CCDC57: variants seen among roughly 807,000 people sequenced by gnomAD.
CCDC57 encodes coiled-coil domain containing 57.
CCDC57 carries 118 observed loss-of-function variants against 118.9 expected under a neutral mutation model. That is an observed-to-expected ratio of 0.99 (90% CI 0.86 to 1.16). The LOEUF (loss-of-function observed/expected upper bound fraction) is 1.16. Ranked by LOEUF, CCDC57 falls within the 50% of genes most tolerant of loss-of-function variation. The pLI is 0.00. For missense variants in CCDC57, 1,300 were observed against 1,320.7 expected, an observed-to-expected ratio of 0.98 and a Z score of 0.24; for synonymous variants, 527 against 532.9, an observed-to-expected ratio of 0.99 and a Z score of 0.15.
intron 11 of CCDC57, among the ~76,000 whole-genome samples, chr17:82,173,360 GAAGAA>G (rs2146289127): frequency 6.6e-6 from 1 of 152,284 alleles, no homozygotes; most frequent in African/African-American, 2.4e-5. Context: ...AGAGCGCGCA[GAAGAA>G]AAGGCAGTGA....
At chr17:82,185,431 C>T (rs1248373222) in intron 8 of CCDC57, among the ~76,000 whole-genome samples, 1 of 151,022 alleles carries the variant, frequency 6.6e-6, no homozygotes, top group Non-Finnish European at 1.5e-5. Flanking sequence ...CCAGCCTGGG[C>T]AACATGACTA....
intron 2 of CCDC57, among the ~76,000 whole-genome samples, chr17:82,205,608 C>T (rs952978615): frequency 7.9e-5 from 12 of 152,162 alleles, no homozygotes; most frequent in African/African-American, 2.2e-4. Context: ...GGGTGAGGTT[C>T]CTTCCCACCA....
chr17:82,204,345 C>T (rs1029268419), intron 2 of CCDC57, among the ~76,000 whole-genome samples: 2 of 152,196 alleles, frequency 1.3e-5, no homozygotes, highest in East Asian at 3.9e-4. Context: ...CCCCACCGTC[C>T]ACCCCGTGTA....
At chr17:82,185,352 T>C (rs1267876387) in intron 8 of CCDC57, among the ~76,000 whole-genome samples, 2 of 152,174 alleles carry the variant, frequency 1.3e-5, no homozygotes, top group Admixed American at 1.3e-4. Context: ...GCATGGTGGC[T>C]CATGCCTGTA....
intron 16 of CCDC57, among the ~76,000 whole-genome samples, chr17:82,137,649 A>G (rs1019762727): frequency 1.3e-5 from 2 of 152,018 alleles, no homozygotes; most frequent in Non-Finnish European, 2.9e-5. Context: ...TCTAAATGTC[A>G]AATAAAATAA....
intron 5 of CCDC57, 87 bp downstream of exon 4, chr17:82,195,176 A>T: frequency 1.0e-6 from 1 of 985,138 alleles, no homozygotes; most frequent in Non-Finnish European, 1.6e-6. Context: ...TTGGTCTCCC[A>T]AAGTGCTGAG....
intron 11 of CCDC57, among the ~76,000 whole-genome samples, chr17:82,178,073 G>T (rs1299971823): frequency 2.0e-5 from 3 of 152,142 alleles, no homozygotes; most frequent in Non-Finnish European, 4.4e-5. Flanking sequence ...GGATTTCAAG[G>T]CCTAAGGGCA....
intron 19 of CCDC57, among the ~76,000 whole-genome samples, chr17:82,109,265 C>T (rs2035080513): frequency 6.6e-6 from 1 of 152,364 alleles, no homozygotes; most frequent in African/African-American, 2.4e-5. Context: ...TGGGGTGGCG[C>T]AGAGCGGGGC....
At chr17:82,105,639 G>C (rs2034794463) in intron 19 of CCDC57, among the ~76,000 whole-genome samples, 1 of 152,150 alleles carries the variant, frequency 6.6e-6, no homozygotes, top group Non-Finnish European at 1.5e-5. Context: ...TCAGCCCTGG[G>C]GGGTCACCGT....
In CCDC57 at chr17:82,183,951, C is replaced by T. The variant is rs746187025; in HGVS notation, c.1053-19G>A. ...ACGAAGTCTAAACATAGAAGGGAAA[C>T]TATGTAGATGTGGTTCTCACTCACT... On this transcript the variant is annotated intron_variant, in intron 8 of 19. Transcript: ENST00000665763. The T allele has an allele frequency of 2.5e-6, 4 of 1,587,982 alleles. No homozygotes were observed. The highest frequency in any genetic ancestry group is 3.4e-5 in the Admixed American group (2 of 59,012).
chr17:82,170,112 A>C (rs560457658), intron 13 of CCDC57, among the ~76,000 whole-genome samples: 1 of 152,288 alleles, frequency 6.6e-6, no homozygotes, highest in African/African-American at 2.4e-5. Context: ...TTACGGGTTG[A>C]AGCTCTCACC....
chr17:82,175,720 C>T (rs2045387857), intron 11 of CCDC57: 1 of 152,196 alleles, frequency 6.6e-6, no homozygotes, highest in African/African-American at 2.4e-5. Flanking sequence ...TCGTCAGGAC[C>T]TCCTGAGGCT....
At chr17:82,210,699 T>TAA (rs749668557) in intron 1 of CCDC57, among the ~76,000 whole-genome samples, 65 of 90,616 alleles carry the variant, frequency 7.2e-4, no homozygotes, top group African/African-American at 2.2e-3. Flanking sequence ...TAAAATTAAT[T>TAA]AAAAAAAAAA....
chr17:82,192,659 G>A lies in CCDC57; in HGVS notation c.851+1097C>T, dbSNP rs1187354980. Among the ~76,000 whole-genome samples, 1 of 152,130 alleles carries A rather than the reference G, an allele frequency of 6.6e-6. No individual in the cohort carries two copies. On this transcript the variant is annotated intron_variant, in intron 7 of 19. Coordinates refer to ENST00000665763, the Ensembl canonical transcript of CCDC57. This position sits in a 1 kb window ranked among gnomAD's most constrained non-coding sequence, Gnocchi z 4.0. ...CGACTGCCTCGGTTTCCTCATCTAG[G>A]TAGAGAACCCGGATGGGTGCCCTCA...
At chr17:82,209,073 T>C (rs1744608764) in intron 1 of CCDC57, among the ~76,000 whole-genome samples, 1 of 152,178 alleles carries the variant, frequency 6.6e-6, no homozygotes. Context: ...ATTATGTACC[T>C]GTGACCCCGT....
intron 13 of CCDC57, among the ~76,000 whole-genome samples, chr17:82,168,003 A>G (rs1568338658): frequency 6.6e-6 from 1 of 152,186 alleles, no homozygotes; most frequent in Non-Finnish European, 1.5e-5. Flanking sequence ...TGACATTCCT[A>G]GTTTCCTTCC....
At chr17:82,151,526 C>T (rs774834777) in intron 16 of CCDC57, 34 bp downstream of exon 15, 2 of 1,544,522 alleles carry the variant, frequency 1.3e-6, no homozygotes, top group South Asian at 1.2e-5. Flanking sequence ...ACCTGACCCA[C>T]ACTCAGGCCA....
rs547313188 is a variant in CCDC57 at position 82,167,865 on chromosome 17, C to T, written c.1882+3836G>A. 3.2e-4 allele frequency among the ~76,000 whole-genome samples: 48 copies of T among 152,366 alleles called. 2 individuals are homozygous for T. In the South Asian group the frequency reaches 9.3e-3, roughly 30 times the overall value. On this transcript the variant is annotated intron_variant, in intron 13 of 19. Coordinates refer to ENST00000665763, the Ensembl canonical transcript of CCDC57. ...TACTGACCTCAGGTGATCCACCTGC[C>T]TTGGCCTCCCAAAGTGCTGGGATGA... is the stretch of plus-strand genomic sequence containing the variant.
At position 82,212,531 on chromosome 17, in the gene CCDC57, G is replaced by A. The variant is rs1418192736; in HGVS notation, c.-211+254C>T. Among the ~76,000 whole-genome samples the A allele has an allele frequency of 5.3e-5, 8 of 151,838 alleles. No individual in the cohort carries two copies. The highest frequency in any genetic ancestry group is 5.2e-4 in the Admixed American group (8 of 15,258). On this transcript the variant is annotated intron_variant, in intron 1 of 19. Coordinates refer to ENST00000665763, the Ensembl canonical transcript of CCDC57. This position sits in a 1 kb window ranked among gnomAD's most constrained non-coding sequence, Gnocchi z 4.1. ...TGGTCGGCAGCGCCCACCGCCCCAG[G>A]TCACCCACGGGAGACCGAGGGAACG...
Sources: gnomAD v4.1 joint callset for allele counts (sites outside exome capture counted in the v4.1 genomes callset) on GRCh38, gnomAD v4.1.1 for gene constraint, Gnocchi (gnomAD v3.1) non-coding constraint, MANE v1.5 for transcripts, NCBI Gene and HGNC (gene_info 2026-07-23, HGNC 2026-07-21) for gene names.